Variants in CRAMP1 observed in about 807,000 individuals in gnomAD.
CRAMP1 encodes the protein protein cramped-like.
CRAMP1 carries 50 observed loss-of-function variants against 115.4 expected under a neutral mutation model. That is an observed-to-expected ratio of 0.43 (90% CI 0.35 to 0.55). The LOEUF is 0.55. Among genes scored for constraint, CRAMP1 ranks in the 20% least tolerant of loss-of-function variants. The pLI, the probability that CRAMP1 is intolerant of heterozygous loss-of-function variation, is 0.01. For synonymous variants in CRAMP1, 866 were observed against 745.4 expected (o/e 1.16, Z -2.64); for missense variants, 1,679 against 1,721.7 (o/e 0.98, Z 0.44).
chr16:1,673,859 T>C, intron 20 of CRAMP1, 22 bp from the exon 21 acceptor site: 1 of 1,613,076 alleles, frequency 6.2e-7, no homozygotes, highest in South Asian at 1.1e-5. Context: ...TGACTTGTTC[T>C]TCCTGTCTCC....
chr16:1,620,185 G>A (rs902851602), intron 2 of CRAMP1, among the ~76,000 whole-genome samples: 24 of 152,186 alleles, frequency 1.6e-4, no homozygotes, highest in African/African-American at 5.3e-4. Flanking sequence ...CATCTGATGC[G>A]ATGTCTTGTG....
In CRAMP1 at chr16:1,670,800, C is replaced by G; in HGVS notation, c.3636C>G (p.Asp1212Glu). Residue 1212 changes from aspartate to glutamate, a missense_variant, in exon 20 of 21, where the codon GAC (aspartate) becomes GAG (glutamate). Around this residue, in one of 8 missense-constraint regions of CRAMP1, gnomAD observed 709 missense variants for 741.9 expected, o/e 0.96. Coordinates refer to ENST00000397412, the MANE Select transcript of CRAMP1 (RefSeq NM_020825.4). ...CATTTGTGTCCAGGTCCCTGGCTGA[C>G]GTTGCAGAGGTGAGTGCATTGACCT... ...RDSFVSRSLA[D>E]VAEVVDSQLV... is the part of the protein sequence containing the mutation. 1 of 1,613,924 alleles carries G rather than the reference C, an allele frequency of 6.2e-7. No homozygotes were observed. The highest frequency in any genetic ancestry group is 8.5e-7 in the Non-Finnish European group (1 of 1,179,846).
chr16:1,652,631 C>T (rs2036734477), intron 7 of CRAMP1, 50 bp downstream of exon 7: 11 of 1,477,032 alleles, frequency 7.4e-6, no homozygotes, highest in Admixed American at 2.0e-5. Context: ...CATGGTGTCC[C>T]ATTCAATGAT....
chr16:1,656,050 G>T lies in CRAMP1; in HGVS notation c.1293G>T (p.Arg431=). ...FCTVHWQEGG[R]CKQSAKDAHV... is the part of the protein sequence containing the mutation. Reference sequence around the variant, plus strand: ...CAGTGCACTGGCAGGAGGGCGGCCGGTGCAAGCAGAGTGCCAAGGACGCCC... The same window carrying T: ...CAGTGCACTGGCAGGAGGGCGGCCGTTGCAAGCAGAGTGCCAAGGACGCCC... The change falls in exon 10 of 21, where the codon CGG becomes CGT. Residue 431 remains arginine (R), a synonymous_variant. Coordinates refer to ENST00000397412, the MANE Select transcript of CRAMP1 (RefSeq NM_020825.4). The surrounding 1 kb of genome is among the most constrained non-coding windows in gnomAD (Gnocchi z 5.6). 6.2e-7 allele frequency: 1 copy of T among 1,611,634 alleles called. No homozygotes were observed.
At chr16:1,646,092 T>C (rs2036672145) in intron 6 of CRAMP1, among the ~76,000 whole-genome samples, 1 of 152,222 alleles carries the variant, frequency 6.6e-6, no homozygotes, top group Non-Finnish European at 1.5e-5. Flanking sequence ...CCGTGTTGAC[T>C]TGTGGATCTG....
chr16:1,624,038 A>G (rs1407011372), intron 2 of CRAMP1, among the ~76,000 whole-genome samples: 2 of 152,062 alleles, frequency 1.3e-5, no homozygotes, highest in African/African-American at 2.4e-5. Context: ...AGTGCTGGAC[A>G]TTCAGGTGCA....
chr16:1,627,295 G>A (rs1362739524), intron 3 of CRAMP1, among the ~76,000 whole-genome samples: 1 of 152,106 alleles, frequency 6.6e-6, no homozygotes. Flanking sequence ...ATAGGCACAC[G>A]CCGCCACACC....
chr16:1,652,362 C>G (rs968698788), intron 6 of CRAMP1, 134 bp from the exon 7 acceptor site: 1 of 671,002 alleles, frequency 1.5e-6, no homozygotes, highest in African/African-American at 1.8e-5. Context: ...CACTGTCCTA[C>G]GCGGGCTCGA....
chr16:1,669,079 C>T lies in CRAMP1; in HGVS notation c.3413C>T (p.Pro1138Leu). ...SKSLPSPSSS[P>L]QPHWIASPTH... ...AGCCTTCCCTCCCCGTCCAGCAGCC[C>T]CCAGCCACACTGGATCGCCTCTCCC... Residue 1138 changes from proline to leucine, a missense_variant, in exon 19 of 21, where the codon CCC (proline) becomes CTC (leucine). This residue lies in a region of CRAMP1 where 709 missense variants were observed against 741.9 expected (regional missense o/e 0.96). Transcript: ENST00000397412. The surrounding 1 kb of genome is among the most constrained non-coding windows in gnomAD (Gnocchi z 4.6). 6.2e-7 allele frequency: 1 copy of T among 1,612,532 alleles called. No individual in the cohort carries two copies.
rs1340385885 is a variant in CRAMP1 at position 1,656,548 on chromosome 16, A to G, written c.1791A>G (p.Pro597=). Residue 597 remains proline (P), a synonymous_variant, in exon 10 of 21, where the codon CCA becomes CCG. Transcript: ENST00000397412. The surrounding 1 kb of genome is among the most constrained non-coding windows in gnomAD (Gnocchi z 5.6). ...CCCCTCTGGGCGGGGCGGCCTCCCC[A>G]GAGGTGCTGGCTCCTGTCAGCAAGG... ...EQPPLGGAAS[P]EVLAPVSKEA... is the part of the protein sequence containing the mutation. The G allele has an allele frequency of 6.4e-7, 1 of 1,557,838 alleles. No individual in the cohort carries two copies.
At chr16:1,633,926 G>T (rs139722357) in intron 4 of CRAMP1, among the ~76,000 whole-genome samples, 2 of 152,078 alleles carry the variant, frequency 1.3e-5, no homozygotes, top group East Asian at 3.9e-4. Flanking sequence ...AAATTAGCTG[G>T]GCATGGTGGT....
At chr16:1,637,462 A>G (rs976308232) in intron 4 of CRAMP1, among the ~76,000 whole-genome samples, 5 of 152,180 alleles carry the variant, frequency 3.3e-5, no homozygotes, top group African/African-American at 1.2e-4. Flanking sequence ...TCCAGGTTTC[A>G]GGGCTGCTGG....
chr16:1,641,424 A>G (rs1411880904), intron 6 of CRAMP1, among the ~76,000 whole-genome samples: 1 of 152,042 alleles, frequency 6.6e-6, no homozygotes, highest in Non-Finnish European at 1.5e-5. Flanking sequence ...CTCCTTCCCG[A>G]GGGTCTCTGG....
Position 1,662,633 on chromosome 16 carries a change from G to A in CRAMP1, c.2557G>A (p.Ala853Thr), listed in dbSNP as rs545394109. The change falls in exon 12 of 21, where the codon GCA becomes ACA. Residue 853 changes from alanine (A) to threonine (T), a missense_variant. Coordinates refer to ENST00000397412, the MANE Select transcript of CRAMP1 (RefSeq NM_020825.4). ...GAAGCTCTTCTCTCCCAGTAAAGAAGCAGAGCTGACTTTCCGCCAGCATCT... is the reference window on the plus strand; with the variant it reads ...GAAGCTCTTCTCTCCCAGTAAAGAAACAGAGCTGACTTTCCGCCAGCATCT... ...HGKLFSPSKE[A>T]ELTFRQHLNS... 3.5e-5 allele frequency: 56 copies of A among 1,614,062 alleles called. No individual in the cohort carries two copies. In the African/African-American group the frequency reaches 6.5e-4, roughly 19 times the overall value.
At chr16:1,629,484 C>G (rs2036531915) in intron 3 of CRAMP1, among the ~76,000 whole-genome samples, 1 of 152,234 alleles carries the variant, frequency 6.6e-6, no homozygotes, top group African/African-American at 2.4e-5. Flanking sequence ...TACAGAAAAG[C>G]TTCTGTCTGG....
At position 1,656,709 on chromosome 16, in the gene CRAMP1, C is replaced by G; in HGVS notation, c.1952C>G (p.Pro651Arg). ...QEKGSPAGPP[P>R]SQGQPAARPP... ...AAGGGGAGCCCCGCGGGGCCTCCGC[C>G]GTCTCAGGGACAGCCTGCCGCCAGG... The change falls in exon 10 of 21, where the codon CCG (proline) becomes CGG (arginine). Residue 651 changes from proline (P) to arginine (R), a missense_variant. Around this residue, in one of 8 missense-constraint regions of CRAMP1, gnomAD observed 405 missense variants for 302.6 expected, o/e 1.34. Transcript: ENST00000397412. This position sits in a 1 kb window ranked among gnomAD's most constrained non-coding sequence, Gnocchi z 5.6. The G allele has an allele frequency of 6.4e-7, 1 of 1,555,274 alleles. No individual in the cohort carries two copies. The highest frequency in any genetic ancestry group is 8.7e-7 in the Non-Finnish European group (1 of 1,150,172).
intron 10 of CRAMP1, among the ~76,000 whole-genome samples, chr16:1,658,265 G>A (rs1435029558): frequency 1.3e-5 from 2 of 152,166 alleles, no homozygotes; most frequent in African/African-American, 4.8e-5. Context: ...CAAGCCTGAG[G>A]GTGAAAGTGG....
chr16:1,612,611 G>A lies in CRAMP1; in HGVS notation c.-48G>A, dbSNP rs1203591464. Among the ~76,000 whole-genome samples the A allele has an allele frequency of 1.3e-5, 2 of 151,850 alleles. No homozygotes were observed. Among genetic ancestry groups the A allele is most frequent in the Non-Finnish European group, 2.9e-5 (2 of 67,912 alleles). On this transcript the variant is annotated 5_prime_UTR_variant, in exon 1 of 21. Coordinates refer to ENST00000397412, the MANE Select transcript of CRAMP1 (RefSeq NM_020825.4). The stretch of plus-strand genomic sequence containing the variant: ...GGCCCGGCTGGTTCTGCGGGCACCC[G>A]GGGAGGCCCCGGGAAGCCAGGCTGC...
intron 1 of CRAMP1, among the ~76,000 whole-genome samples, 50 bp downstream of exon 1, chr16:1,612,707 G>T (rs1335566069): frequency 6.6e-6 from 1 of 152,130 alleles, no homozygotes; most frequent in African/African-American, 2.4e-5. Flanking sequence ...CGGCCGGGGG[G>T]TCCTGTCGGG....
Sources: allele counts gnomAD v4.1 joint callset (sites outside exome capture counted in the v4.1 genomes callset), GRCh38; gene constraint gnomAD v4.1.1; regional missense constraint gnomAD v4.1.1; non-coding constraint Gnocchi (gnomAD v3.1); transcripts MANE v1.5; gene names NCBI Gene and HGNC (gene_info 2026-07-23, HGNC 2026-07-21).